Variants in DLG2 observed in about 807,000 individuals in gnomAD.
DLG2 encodes the protein disks large homolog 2.
DLG2 carries 45 observed loss-of-function variants against 132.5 expected under a neutral mutation model. The ratio of observed to expected loss-of-function variants is 0.34; its 90% confidence interval spans 0.27 to 0.44. The LOEUF (loss-of-function observed/expected upper bound fraction) is 0.44, where lower values mean the gene tolerates loss of function less well. Among genes scored for constraint, DLG2 ranks in the 20% least tolerant of loss-of-function variants. The pLI, the probability that DLG2 is intolerant of heterozygous loss-of-function variation, is 1.00. For synonymous variants in DLG2, 424 were observed against 419.6 expected (o/e 1.01, Z -0.13); for missense variants, 1,045 against 1,196.9 (o/e 0.87, Z 1.87).
chr11:85,030,596 T>C (rs1272589195), intron 6 of DLG2, among the ~76,000 whole-genome samples: 3 of 152,200 alleles, frequency 2.0e-5, no homozygotes, highest in Non-Finnish European at 4.4e-5. Flanking sequence ...GCCTTTATCA[T>C]AGGAAGAAAG....
At position 83,469,202 on chromosome 11, in the gene DLG2, C is replaced by T. The variant is rs368959516; in HGVS notation, c.2618G>A (p.Arg873Lys). The change falls in exon 25 of 28, where the codon AGA (arginine) becomes AAA (lysine). Residue 873 changes from arginine (R) to lysine (K), a missense_variant and splice_region_variant. Transcript: ENST00000376104. ...SVQSVRFVAERGKHCILDVSG... is the reference protein window; with the variant it reads ...SVQSVRFVAEKGKHCILDVSG... Reference sequence around the variant, plus strand: ...GTGTAAGAAGATTGGTGAACATACTCTTTCTGCTACAAATCTCACAGACTG... The same window carrying T: ...GTGTAAGAAGATTGGTGAACATACTTTTTCTGCTACAAATCTCACAGACTG... 1.5e-4 allele frequency: 233 copies of T among 1,602,426 alleles called. No individual in the cohort carries two copies. Among genetic ancestry groups the T allele is most frequent in the Non-Finnish European group, 1.8e-4 (214 of 1,174,744 alleles).
chr11:83,853,764 C>G (rs907262200), intron 16 of DLG2, among the ~76,000 whole-genome samples: 1 of 152,022 alleles, frequency 6.6e-6, no homozygotes, highest in African/African-American at 2.4e-5. Context: ...ATCCCTACAG[C>G]TAATATCATG....
In DLG2 at chr11:85,598,692, C is replaced by G. The variant is rs776283338; in HGVS notation, c.5G>C (p.Gly2Ala). 29 of 1,577,814 alleles carry G rather than the reference C, an allele frequency of 1.8e-5. No individual in the cohort carries two copies. The highest frequency in any genetic ancestry group is 1.7e-4 in the Middle Eastern group (1 of 6,010). ...TTGGAATAAGCTGCTCTTAAAGATA[C>G]CCATCACCTTTTTAACCGCATTTTT... M[G>A]IFKSSLFQAL... Residue 2 changes from glycine to alanine, a missense_variant, in exon 3 of 28, where the codon GGT becomes GCT. Gly to Ala is a moderately conservative substitution (Grantham distance 60). Transcript: ENST00000376104.
intron 15 of DLG2, among the ~76,000 whole-genome samples, chr11:83,905,345 G>C (rs2074455467): frequency 6.6e-6 from 1 of 151,924 alleles, no homozygotes; most frequent in Non-Finnish European, 1.5e-5. Context: ...CCATCCTCTG[G>C]GGCTCCATTA....
intron 7 of DLG2, among the ~76,000 whole-genome samples, chr11:84,444,801 C>CT (rs555951100): frequency 0.02 from 2,735 of 139,568 alleles, 29 homozygotes; most frequent in Non-Finnish European, 0.023. Context: ...TTATTGTATA[C>CT]TTTTTTTTTT....
intron 6 of DLG2, among the ~76,000 whole-genome samples, chr11:84,592,965 A>G (rs1482954370): frequency 2.0e-5 from 3 of 147,408 alleles, no homozygotes; most frequent in African/African-American, 5.0e-5. Flanking sequence ...AAAAAAAAAA[A>G]AAAAAAAGTT....
At chr11:84,825,530 G>C (rs886226244) in intron 6 of DLG2, among the ~76,000 whole-genome samples, 1 of 151,902 alleles carries the variant, frequency 6.6e-6, no homozygotes, top group African/African-American at 2.4e-5. Flanking sequence ...CTGTGATAAA[G>C]TTGTATTTCT....
At chr11:85,069,402 A>G (rs192465604) in intron 6 of DLG2, among the ~76,000 whole-genome samples, 3 of 152,316 alleles carry the variant, frequency 2.0e-5, no homozygotes, top group Non-Finnish European at 2.9e-5. Context: ...CAAGCTACGC[A>G]TCTGACAAAG....
At chr11:84,363,462 C>T (rs2098663004) in intron 7 of DLG2, among the ~76,000 whole-genome samples, 1 of 152,044 alleles carries the variant, frequency 6.6e-6, no homozygotes, top group Admixed American at 6.6e-5. Context: ...TTCTGGGTTT[C>T]CTGTTCACTC....
intron 3 of DLG2, among the ~76,000 whole-genome samples, chr11:85,568,668 C>G (rs1185998346): frequency 1.3e-5 from 2 of 152,126 alleles, no homozygotes; most frequent in African/African-American, 4.8e-5. Context: ...AAAATTTGCA[C>G]ATTTCAACTA....
chr11:84,991,423 C>A (rs148949352), intron 6 of DLG2, among the ~76,000 whole-genome samples: 166 of 146,326 alleles, frequency 1.1e-3, no homozygotes, highest in East Asian at 4.0e-3. Flanking sequence ...GTGGGAGGAT[C>A]GATTTACCCC....
At chr11:84,096,689 A>G (rs1170091904) in intron 10 of DLG2, among the ~76,000 whole-genome samples, 1 of 152,178 alleles carries the variant, frequency 6.6e-6, no homozygotes, top group Admixed American at 6.6e-5. Context: ...AAACTTTAAA[A>G]ATAGAGCTTC....
chr11:84,494,013 A>G (rs1450794189), intron 7 of DLG2, among the ~76,000 whole-genome samples: 1 of 152,178 alleles, frequency 6.6e-6, no homozygotes, highest in Non-Finnish European at 1.5e-5. Flanking sequence ...GGTGGTTTAA[A>G]AGCAGACAGG....
At chr11:85,278,081 C>T (rs1050208891) in intron 4 of DLG2, among the ~76,000 whole-genome samples, 2 of 152,186 alleles carry the variant, frequency 1.3e-5, no homozygotes, top group East Asian at 3.9e-4. Context: ...CTCAGCTCCC[C>T]ACCTACTAAT....
At chr11:83,962,530 A>T (rs2154156902) in intron 14 of DLG2, among the ~76,000 whole-genome samples, 1 of 152,192 alleles carries the variant, frequency 6.6e-6, no homozygotes. Context: ...AATATATAAT[A>T]TTGGCATGCT....
chr11:85,289,451 A>C (rs2078758903), intron 3 of DLG2, among the ~76,000 whole-genome samples: 1 of 152,296 alleles, frequency 6.6e-6, no homozygotes, highest in Non-Finnish European at 1.5e-5. Context: ...TCAGAGATCT[A>C]AATATGAAAT....
chr11:84,558,066 T>C (rs1287627092), intron 6 of DLG2, among the ~76,000 whole-genome samples: 1 of 152,172 alleles, frequency 6.6e-6, no homozygotes, highest in African/African-American at 2.4e-5. Context: ...AGATACATTA[T>C]ATGTAAGGGG....
intron 18 of DLG2, among the ~76,000 whole-genome samples, chr11:83,692,673 C>T (rs1434159336): frequency 6.6e-6 from 1 of 152,154 alleles, no homozygotes; most frequent in Admixed American, 6.5e-5. Context: ...AGGGCTTAGC[C>T]AATGCCTGGC....
intron 16 of DLG2, among the ~76,000 whole-genome samples, chr11:83,839,889 C>A (rs1266654251): frequency 2.6e-5 from 4 of 152,182 alleles, no homozygotes; most frequent in Non-Finnish European, 4.4e-5. Context: ...ACCCCTTCAT[C>A]CCCTCTAATT....
Sources: gnomAD v4.1 joint callset for allele counts (sites outside exome capture counted in the v4.1 genomes callset) on GRCh38, gnomAD v4.1.1 for gene constraint, MANE v1.5 for transcripts, NCBI Gene and HGNC (gene_info 2026-07-23, HGNC 2026-07-21) for gene names.